DNAH5: variants seen among roughly 807,000 people sequenced by gnomAD.
DNAH5 encodes axonemal beta dynein heavy chain 5.
DNAH5 carries 372 observed loss-of-function variants against 518.2 expected under a neutral mutation model. The observed-to-expected ratio is 0.72, with a 90% CI of 0.66 to 0.78. The LOEUF (loss-of-function observed/expected upper bound fraction) is 0.78, where lower values mean the gene tolerates loss of function less well. Among genes scored for constraint, DNAH5 ranks in the 30% least tolerant of loss-of-function variants. The pLI, the probability that DNAH5 is intolerant of heterozygous loss-of-function variation, is 0.00. For missense variants in DNAH5, 5,523 were observed against 5,687.0 expected, an observed-to-expected ratio of 0.97 and a Z score of 0.93; for synonymous variants, 2,039 against 2,025.9, an observed-to-expected ratio of 1.01 and a Z score of -0.17.
rs533226788 is a variant in DNAH5, at chr5:13,993,599, C to T, written c.12+18049G>A. ...TGCTCAGCATTGACTTAGACATAAT[C>T]GTAAGTATTTCCTTAAGAGCTTAAG... is the stretch of plus-strand genomic sequence containing the variant. On this transcript the variant is annotated intron_variant, in intron 1 of 78. Coordinates refer to the DNAH5 transcript ENST00000681290. 3.9e-5 allele frequency among the ~76,000 whole-genome samples: 6 copies of T among 152,264 alleles called. No individual in the cohort carries two copies. In the South Asian group the frequency reaches 8.3e-4, roughly 21 times the overall value.
chr5:13,845,832 CTTTT>C (rs557275110), intron 31 of DNAH5, among the ~76,000 whole-genome samples: 2 of 110,664 alleles, frequency 1.8e-5, no homozygotes, highest in Non-Finnish European at 3.6e-5. Flanking sequence ...CTTTTTTGAC[CTTTT>C]TTTTTTTTTT....
intron 1 of DNAH5, among the ~76,000 whole-genome samples, chr5:13,994,413 AC>A (rs1268502191): frequency 2.0e-4 from 31 of 152,342 alleles, no homozygotes; most frequent in Admixed American, 2.6e-4. Context: ...AATTCAAGAA[AC>A]ATAGACCTTA....
In DNAH5 at chr5:13,855,886, CT is replaced by C. The variant is rs371511783; in HGVS notation, c.4950+3565del. On this transcript the variant is annotated intron_variant, in intron 30 of 78. Coordinates refer to ENST00000265104, the MANE Select transcript of DNAH5 (RefSeq NM_001369.3). ...TACATGGAAACTGAACAACCAGCTCCTGAATGCCTACTGGGTAAATAATGAA... is the reference window on the plus strand; with the variant it reads ...TACATGGAAACTGAACAACCAGCTCCGAATGCCTACTGGGTAAATAATGAA... 7.2e-5 allele frequency among the ~76,000 whole-genome samples: 11 copies of C among 152,298 alleles called. No individual in the cohort carries two copies. In the East Asian group the frequency reaches 2.1e-3, roughly 29 times the overall value.
intron 53 of DNAH5, among the ~76,000 whole-genome samples, chr5:13,779,201 C>T (rs537988088): frequency 6.6e-6 from 1 of 152,294 alleles, no homozygotes; most frequent in Non-Finnish European, 1.5e-5. Flanking sequence ...CAATCCCTTT[C>T]CTGTGCAGGT....
chr5:13,884,579 G>A (rs1772118645), intron 19 of DNAH5, among the ~76,000 whole-genome samples: 1 of 152,246 alleles, frequency 6.6e-6, no homozygotes, highest in Non-Finnish European at 1.5e-5. Flanking sequence ...GCTCACGCCT[G>A]TAATCCCAAC....
intron 1 of DNAH5, among the ~76,000 whole-genome samples, chr5:13,989,702 C>T (rs1675211832): frequency 6.6e-6 from 1 of 152,096 alleles, no homozygotes. Flanking sequence ...CCAGGATGAT[C>T]TCGATCTCCT....
chr5:13,700,020 T>C lies in DNAH5; in HGVS notation c.13723+620A>G, dbSNP rs59672405. ...GTACAGCTTTGATAATTTTGTTTAATTAGAATCACGTGTGTACTTCACAGA... is the reference window on the plus strand; with the variant it reads ...GTACAGCTTTGATAATTTTGTTTAACTAGAATCACGTGTGTACTTCACAGA... On this transcript the variant is annotated intron_variant, in intron 78 of 78. Coordinates refer to ENST00000265104, the MANE Select transcript of DNAH5 (RefSeq NM_001369.3). Among the ~76,000 whole-genome samples, 1,371 of 152,342 alleles carry C rather than the reference T, an allele frequency of 9.0e-3. 21 individuals are homozygous for C. Among genetic ancestry groups the C allele is most frequent in the African/African-American group, 0.031 (1,298 of 41,580 alleles).
At chr5:13,740,382 A>C (rs546036166) in intron 65 of DNAH5, among the ~76,000 whole-genome samples, 2 of 152,268 alleles carry the variant, frequency 1.3e-5, no homozygotes, top group African/African-American at 4.8e-5. Flanking sequence ...CTTTCCACTC[A>C]GAGTGAAAGG....
Position 14,003,802 on chromosome 5 carries a change from C to T in DNAH5, c.12+7846G>A, listed in dbSNP as rs1451304666. On this transcript the variant is annotated intron_variant, in intron 1 of 78. Transcript: ENST00000681290. ...GCTTTCAGCCACCATGAAAGCAGCC[C>T]ACTGCCCTGAGGCCACCCTGCTGGG... Among the ~76,000 whole-genome samples the T allele has an allele frequency of 2.0e-5, 3 of 152,238 alleles. No homozygotes were observed. The East Asian group carries it at 5.8e-4, about 29-fold the overall frequency.
Position 13,885,122 on chromosome 5 carries a change from C to T in DNAH5, c.2850G>A (p.Met950Ile). 2 of 1,614,248 alleles carry T rather than the reference C, an allele frequency of 1.2e-6. No individual in the cohort carries two copies. The highest frequency in any genetic ancestry group is 2.2e-5 in the East Asian group (1 of 44,874). The change falls in exon 19 of 79, where the codon ATG (methionine) becomes ATA (isoleucine). Residue 950 changes from methionine to isoleucine, a missense_variant. Met to Ile is a conservative substitution (Grantham distance 10). This residue lies in a region of DNAH5 where 5,121 missense variants were observed against 5,223.3 expected (regional missense o/e 0.98). Coordinates refer to ENST00000265104, the MANE Select transcript of DNAH5 (RefSeq NM_001369.3). ...TVTRKKKETE[M>I]LGEEARELLS... The stretch of plus-strand genomic sequence containing the variant: ...GTAACTCGCGGGCTTCTTCCCCTAA[C>T]ATCTCAGTTTCTTTCTTTTTCCTCG...
chr5:13,865,970 A>G, intron 26 of DNAH5, 64 bp from the exon 27 acceptor site: 1 of 1,224,958 alleles, frequency 8.2e-7, no homozygotes, highest in South Asian at 1.2e-5. Flanking sequence ...ACAAATGAAA[A>G]TATAAGATTT....
intron 17 of DNAH5, 58 bp downstream of exon 17, chr5:13,890,917 CT>C: frequency 1.9e-6 from 3 of 1,603,396 alleles, no homozygotes; most frequent in Non-Finnish European, 2.6e-6. Flanking sequence ...AAAAAGTGAC[CT>C]TTATAGGAAA....
chr5:13,987,747 G>A (rs1296505149), intron 1 of DNAH5, among the ~76,000 whole-genome samples: 1 of 152,050 alleles, frequency 6.6e-6, no homozygotes, highest in Non-Finnish European at 1.5e-5. Context: ...CCAGCTACTT[G>A]GGAGGCTGAG....
At chr5:13,865,151 T>C (rs7736166) in intron 27 of DNAH5, among the ~76,000 whole-genome samples, 62,894 of 151,342 alleles carry the variant, frequency 0.42, 13,269 homozygotes, top group South Asian at 0.47. Context: ...CGTGCCGCCA[T>C]GCCCAGCTAA....
chr5:13,831,731 T>C (rs1004665018), intron 35 of DNAH5, among the ~76,000 whole-genome samples: 1 of 152,208 alleles, frequency 6.6e-6, no homozygotes, highest in Non-Finnish European at 1.5e-5. Context: ...TGCTCTCACT[T>C]TGACTCTGCC....
Position 13,894,780 on chromosome 5 carries a change from A to C in DNAH5, c.2301T>G (p.Pro767=). ...AEYQRVKSKI[P]AAIEQLIVPH... is the part of the protein sequence containing the mutation. ...GGACAATCAATTGCTCAATGGCAGC[A>C]GGTATTTTTGACTTCACTCTCTGAT... Residue 767 remains proline, a synonymous_variant, in exon 16 of 79, where the codon CCT becomes CCG. Transcript: ENST00000265104. 1 of 1,614,146 alleles carries C rather than the reference A, an allele frequency of 6.2e-7. No homozygotes were observed. Among genetic ancestry groups the C allele is most frequent in the Non-Finnish European group, 8.5e-7 (1 of 1,179,978 alleles).
At position 13,758,750 on chromosome 5, in the gene DNAH5, T is replaced by C. The variant is rs1392568893; in HGVS notation, c.10419+96A>G. On this transcript the variant is annotated intron_variant, in intron 61 of 78. Coordinates refer to ENST00000265104, the MANE Select transcript of DNAH5 (RefSeq NM_001369.3). The stretch of plus-strand genomic sequence containing the variant: ...TCCATTATGTGCTATGTATGTATTA[T>C]GTATAAATTCAGTGAAACCCCACAA... 18 of 1,546,276 alleles carry C rather than the reference T, an allele frequency of 1.2e-5. No individual in the cohort carries two copies. The African/African-American group carries it at 2.2e-4, about 19-fold the overall frequency.
chr5:13,712,012 A>C (rs770662409), intron 75 of DNAH5, among the ~76,000 whole-genome samples: 1 of 152,176 alleles, frequency 6.6e-6, no homozygotes, highest in African/African-American at 2.4e-5. Flanking sequence ...AGAAACAACA[A>C]TTCTAAACTT....
In DNAH5 at chr5:13,735,257, C is replaced by T. The variant is rs745516073; in HGVS notation, c.11635G>A (p.Val3879Ile). ...AGCCCTCGGGCAGCATACTTATAAA[C>T]CTCGTAGGTCATGTGCTCGATGATA... The part of the protein sequence containing the change: ...ANIIEHMTYE[V>I]YKYAARGLYE... The change falls in exon 68 of 79, where the codon GTT (valine) becomes ATT (isoleucine). Residue 3879 changes from valine to isoleucine, a missense_variant. Physicochemically the swap from Val to Ile is conservative, Grantham distance 29 (BLOSUM62 3). This residue lies in a region of DNAH5 where 5,121 missense variants were observed against 5,223.3 expected (regional missense o/e 0.98). Transcript: ENST00000265104. The T allele has an allele frequency of 6.2e-7, 1 of 1,614,114 alleles. No individual in the cohort carries two copies. The highest frequency in any genetic ancestry group is 8.5e-7 in the Non-Finnish European group (1 of 1,180,008).
Sources: allele counts gnomAD v4.1 joint callset (sites outside exome capture counted in the v4.1 genomes callset), GRCh38; gene constraint gnomAD v4.1.1; regional missense constraint gnomAD v4.1.1; transcripts MANE v1.5; gene names NCBI Gene and HGNC (gene_info 2026-07-23, HGNC 2026-07-21).